MCPH1: variants seen among roughly 807,000 people sequenced by gnomAD.
MCPH1 encodes microcephalin.
A neutral mutation model predicts 84.5 loss-of-function variants in MCPH1; 104 were observed. That is an observed-to-expected ratio of 1.23 (90% confidence interval 1.05 to 1.45). MCPH1 has a LOEUF of 1.45. MCPH1 is among the 40% of genes most tolerant of loss of function. The pLI is 0.00. For synonymous variants in MCPH1, 514 were observed against 366.8 expected, an observed-to-expected ratio of 1.40 and a Z score of -4.58; for missense variants, 1,498 against 1,005.7, an observed-to-expected ratio of 1.49 and a Z score of -6.62.
chr8:6,546,191 G>T (rs1563103325), intron 12 of MCPH1, among the ~76,000 whole-genome samples: 2 of 152,252 alleles, frequency 1.3e-5, no homozygotes, highest in Non-Finnish European at 2.9e-5. Context: ...TTCCCAAACT[G>T]TGTGCCAAGG....
chr8:6,408,968 C>T (rs1162469645), intron 1 of MCPH1, among the ~76,000 whole-genome samples: 1 of 152,128 alleles, frequency 6.6e-6, no homozygotes, highest in Non-Finnish European at 1.5e-5. Flanking sequence ...TCACTGCAAC[C>T]TCTGCCTCCC....
At chr8:6,493,183 A>G (rs143093314) in intron 11 of MCPH1, among the ~76,000 whole-genome samples, 237 of 152,352 alleles carry the variant, frequency 1.6e-3, no homozygotes, top group African/African-American at 5.5e-3. Flanking sequence ...ATGTGAGTAC[A>G]GTGGTGACAT....
At chr8:6,575,997 A>G (rs1047565623) in intron 12 of MCPH1, among the ~76,000 whole-genome samples, 3 of 150,314 alleles carry the variant, frequency 2.0e-5, no homozygotes, top group Non-Finnish European at 3.0e-5. Context: ...TTTCTGTTTA[A>G]GCAAGTTTGT....
Position 6,480,736 on chromosome 8 carries a change from G to T in MCPH1, c.1996G>T (p.Val666Phe), listed in dbSNP as rs746502513. 3 of 1,614,054 alleles carry T rather than the reference G, an allele frequency of 1.9e-6. No homozygotes were observed. The highest frequency in any genetic ancestry group is 2.5e-6 in the Non-Finnish European group (3 of 1,180,040). The change falls in exon 11 of 14, where the codon GTT becomes TTT. Residue 666 changes from valine to phenylalanine, a missense_variant. By Grantham distance (50) the Val-to-Phe change is conservative. Transcript: ENST00000344683. ...PSEKQNVVIQ[V>F]VDKLKGFSIA... ...CAGAAAGCAGAATGTCGTCATCCAG[G>T]TTGTGGATAAATTGAAAGGCTTTTC...
At chr8:6,622,870 T>C (rs1367057976) in intron 13 of MCPH1, among the ~76,000 whole-genome samples, 3 of 152,174 alleles carry the variant, frequency 2.0e-5, no homozygotes, top group South Asian at 4.1e-4. Flanking sequence ...AAACAGTGTC[T>C]CGCTCTGTCA....
chr8:6,451,838 T>A (rs1179603959), intron 8 of MCPH1, among the ~76,000 whole-genome samples: 3 of 152,244 alleles, frequency 2.0e-5, no homozygotes, highest in Non-Finnish European at 4.4e-5. Flanking sequence ...TATTTTTACA[T>A]GTTAAAATTA....
intron 12 of MCPH1, among the ~76,000 whole-genome samples, chr8:6,543,481 G>A (rs1014829896): frequency 5.9e-5 from 9 of 152,158 alleles, no homozygotes; most frequent in African/African-American, 1.7e-4. Context: ...ACGCACTGAC[G>A]GGCAATGTGC....
At chr8:6,593,950 A>G (rs1828718325) in intron 12 of MCPH1, among the ~76,000 whole-genome samples, 1 of 152,240 alleles carries the variant, frequency 6.6e-6, no homozygotes, top group South Asian at 2.1e-4. Flanking sequence ...AGGTAGACAG[A>G]AGCATGGATA....
chr8:6,434,024 C>G (rs1001034475), intron 4 of MCPH1, among the ~76,000 whole-genome samples: 3 of 152,140 alleles, frequency 2.0e-5, no homozygotes, highest in African/African-American at 7.2e-5. Context: ...TCCAGCCTCC[C>G]TATGGCTTTG....
chr8:6,492,814 GATTAACT>G (rs1239933858), intron 11 of MCPH1, among the ~76,000 whole-genome samples: 1 of 151,036 alleles, frequency 6.6e-6, no homozygotes, highest in Non-Finnish European at 1.5e-5. Flanking sequence ...GTAATTAATT[GATTAACT>G]GATAAGGATT....
intron 12 of MCPH1, among the ~76,000 whole-genome samples, chr8:6,569,018 C>G (rs1326921911): frequency 6.6e-6 from 1 of 152,236 alleles, no homozygotes; most frequent in African/African-American, 2.4e-5. Context: ...GCCTGGCACA[C>G]TAAGCTGGGA....
chr8:6,602,312 C>G (rs1402815638), intron 12 of MCPH1, among the ~76,000 whole-genome samples: 1 of 152,178 alleles, frequency 6.6e-6, no homozygotes, highest in Non-Finnish European at 1.5e-5. Context: ...ACCGTCCTTG[C>G]ATTCTGTGCG....
At chr8:6,515,454 C>T (rs3020219) in intron 12 of MCPH1, among the ~76,000 whole-genome samples, 52,769 of 151,926 alleles carry the variant, frequency 0.35, 9,359 homozygotes, top group Middle Eastern at 0.48. Context: ...CTTCTCTGTA[C>T]ATAGCTCACT....
At chr8:6,456,906 T>G (rs1009136707) in intron 9 of MCPH1, among the ~76,000 whole-genome samples, 6 of 152,232 alleles carry the variant, frequency 3.9e-5, no homozygotes, top group African/African-American at 1.4e-4. Context: ...GGCCCCTTCT[T>G]CCTTATGAGG....
intron 12 of MCPH1, among the ~76,000 whole-genome samples, chr8:6,607,545 A>G (rs1206566642): frequency 2.0e-5 from 3 of 152,124 alleles, no homozygotes; most frequent in Admixed American, 2.0e-4. Context: ...TTCCCTACTG[A>G]TATGGTTTGG....
At chr8:6,535,233 C>T (rs978624555) in intron 12 of MCPH1, among the ~76,000 whole-genome samples, 2 of 152,122 alleles carry the variant, frequency 1.3e-5, no homozygotes, top group African/African-American at 4.8e-5. Flanking sequence ...TACTGCCTTC[C>T]CCCATTTCTA....
chr8:6,534,569 G>C (rs1446458990), intron 12 of MCPH1, among the ~76,000 whole-genome samples: 1 of 152,174 alleles, frequency 6.6e-6, no homozygotes, highest in East Asian at 1.9e-4. Context: ...ACATCTGGCT[G>C]AAGCCTTAGT....
chr8:6,564,711 C>T lies in MCPH1; in HGVS notation c.2215-56743C>T, dbSNP rs183259591. Among the ~76,000 whole-genome samples the T allele has an allele frequency of 3.0e-4, 46 of 152,330 alleles. 1 individual carries two copies. In the East Asian group the frequency reaches 8.7e-3, roughly 29 times the overall value. On this transcript the variant is annotated intron_variant, in intron 12 of 13. Coordinates refer to ENST00000344683, the MANE Select transcript of MCPH1 (RefSeq NM_024596.5). ...TACTAAGCTCTAACCGAAAGACAGC[C>T]TTTCCCTTATCAATGAATAGTTAAC...
intron 12 of MCPH1, among the ~76,000 whole-genome samples, chr8:6,597,905 G>C (rs763357820): frequency 7.9e-5 from 12 of 152,202 alleles, no homozygotes; most frequent in Admixed American, 1.3e-4. Flanking sequence ...GCTCTCCAAA[G>C]GGAAGGGCAG....
Sources: allele counts gnomAD v4.1 joint callset (sites outside exome capture counted in the v4.1 genomes callset), GRCh38; gene constraint gnomAD v4.1.1; transcripts MANE v1.5; gene names NCBI Gene and HGNC (gene_info 2026-07-23, HGNC 2026-07-21).